SNTG2: variants seen among roughly 807,000 people sequenced by gnomAD.
SNTG2 encodes the protein syntrophin gamma 2, also known as gamma-2-syntrophin.
A neutral mutation model predicts 70.9 loss-of-function variants in SNTG2; 74 were observed. The ratio of observed to expected loss-of-function variants is 1.04; its 90% confidence interval spans 0.86 to 1.27. The LOEUF (loss-of-function observed/expected upper bound fraction) is 1.27, where lower values mean the gene tolerates loss of function less well. Ranked by LOEUF, SNTG2 falls within the 50% of genes most tolerant of loss-of-function variation. SNTG2 has a pLI of 0.00. For missense variants in SNTG2, 717 were observed against 690.7 expected, an observed-to-expected ratio of 1.04 and a Z score of -0.43; for synonymous variants, 278 against 273.8, an observed-to-expected ratio of 1.02 and a Z score of -0.15.
At chr2:1,314,469 A>G (rs1279680447) in intron 15 of SNTG2, among the ~76,000 whole-genome samples, 1 of 152,232 alleles carries the variant, frequency 6.6e-6, no homozygotes, top group Non-Finnish European at 1.5e-5. Flanking sequence ...GTGTGGGAAG[A>G]GGCTCTCCGG....
At chr2:1,095,385 G>T (rs1470984072) in intron 2 of SNTG2, among the ~76,000 whole-genome samples, 1 of 152,174 alleles carries the variant, frequency 6.6e-6, no homozygotes, top group African/African-American at 2.4e-5. Context: ...AATGTACACA[G>T]AAAGGAACAT....
chr2:1,153,740 GA>G (rs1422329136), intron 6 of SNTG2, among the ~76,000 whole-genome samples: 1 of 152,124 alleles, frequency 6.6e-6, no homozygotes, highest in Non-Finnish European at 1.5e-5. Context: ...GTTATTTAAG[GA>G]AAAAAACACT....
chr2:1,029,759 T>C (rs1183479413), intron 1 of SNTG2, among the ~76,000 whole-genome samples: 2 of 152,194 alleles, frequency 1.3e-5, no homozygotes, highest in Non-Finnish European at 2.9e-5. Context: ...CCCTGACTCT[T>C]CTTAGACCTT....
intron 9 of SNTG2, among the ~76,000 whole-genome samples, chr2:1,215,153 T>C (rs1674297226): frequency 6.6e-6 from 1 of 152,230 alleles, no homozygotes; most frequent in South Asian, 2.1e-4. Context: ...TTGATGAAGA[T>C]GTTTGCACGT....
intron 4 of SNTG2, among the ~76,000 whole-genome samples, chr2:1,134,909 A>T (rs1376521697): frequency 6.6e-6 from 1 of 152,068 alleles, no homozygotes; most frequent in Non-Finnish European, 1.5e-5. Flanking sequence ...CAAGCGCAAC[A>T]CCGGTGGGCC....
chr2:1,102,084 C>T (rs1369141550), intron 4 of SNTG2, among the ~76,000 whole-genome samples: 1 of 152,332 alleles, frequency 6.6e-6, no homozygotes, highest in East Asian at 1.9e-4. Flanking sequence ...CTTGCCATTG[C>T]AGAGCTTGTA....
chr2:1,212,562 T>C (rs958953909), intron 9 of SNTG2, among the ~76,000 whole-genome samples: 1 of 152,248 alleles, frequency 6.6e-6, no homozygotes, highest in African/African-American at 2.4e-5. Context: ...AAATATGTCT[T>C]ACTAGCTTGC....
In SNTG2 at chr2:1,083,403, C is replaced by G. The variant is rs1212467587; in HGVS notation, c.73-115C>G. On this transcript the variant is annotated intron_variant, in intron 1 of 16. Transcript: ENST00000308624. ...GGTTGAGCACAGATCTGTGCACACGCGAGCACTACACGTGCATTTTAGGAT... is the reference window on the plus strand; with the variant it reads ...GGTTGAGCACAGATCTGTGCACACGGGAGCACTACACGTGCATTTTAGGAT... 6 of 1,007,784 alleles carry G rather than the reference C, an allele frequency of 6.0e-6. No individual in the cohort carries two copies. In the African/African-American group the frequency reaches 9.5e-5, roughly 16 times the overall value. 62.4% of individuals were successfully genotyped at this position (1,007,784 alleles called of 1,614,324 possible).
chr2:1,272,026 C>A (rs36147202), intron 14 of SNTG2, among the ~76,000 whole-genome samples: 46,273 of 151,762 alleles, frequency 0.3, 7,921 homozygotes, highest in African/African-American at 0.47. Context: ...CGGTCCCAAC[C>A]TTTATGGTGC....
chr2:1,324,181 G>A (rs1681667478), intron 16 of SNTG2, among the ~76,000 whole-genome samples: 1 of 152,340 alleles, frequency 6.6e-6, no homozygotes, highest in Non-Finnish European at 1.5e-5. Context: ...CAGTCACATG[G>A]CGGAGACTCC....
chr2:1,286,415 C>A (rs1414697459), intron 14 of SNTG2, among the ~76,000 whole-genome samples: 1 of 152,194 alleles, frequency 6.6e-6, no homozygotes, highest in African/African-American at 2.4e-5. Context: ...GCCATTCCAC[C>A]ATTCTGTCAA....
intron 11 of SNTG2, among the ~76,000 whole-genome samples, chr2:1,244,400 T>G (rs1191345969): frequency 1.3e-5 from 2 of 152,048 alleles, no homozygotes; most frequent in South Asian, 2.1e-4. Flanking sequence ...TGTTGCTGAT[T>G]CTTAAAAGTT....
At chr2:965,507 T>C (rs1254539189) in intron 1 of SNTG2, among the ~76,000 whole-genome samples, 1 of 148,820 alleles carries the variant, frequency 6.7e-6, no homozygotes, top group African/African-American at 2.5e-5. Flanking sequence ...CTGGTCTTCT[T>C]CAGGGTCCCC....
intron 11 of SNTG2, among the ~76,000 whole-genome samples, chr2:1,243,107 C>T (rs1677155317): frequency 6.6e-6 from 1 of 152,220 alleles, no homozygotes; most frequent in Admixed American, 6.5e-5. Context: ...AATTCAATTA[C>T]TTGTGTGATT....
intron 2 of SNTG2, among the ~76,000 whole-genome samples, chr2:1,087,404 C>T (rs1012672209): frequency 6.6e-6 from 1 of 152,148 alleles, no homozygotes; most frequent in Non-Finnish European, 1.5e-5. Flanking sequence ...CAAAGTACAT[C>T]GTGCTCTAGC....
At chr2:1,002,699 A>C (rs1489378976) in intron 1 of SNTG2, among the ~76,000 whole-genome samples, 1 of 151,336 alleles carries the variant, frequency 6.6e-6, no homozygotes, top group African/African-American at 2.4e-5. Flanking sequence ...TCAAAAAAAA[A>C]AAAAACCTAA....
chr2:1,291,423 A>C (rs577902572), intron 14 of SNTG2, among the ~76,000 whole-genome samples: 1 of 152,274 alleles, frequency 6.6e-6, no homozygotes, highest in South Asian at 2.1e-4. Context: ...ATCATTGCCA[A>C]GTCCAGTGTC....
chr2:1,188,238 TCAGAGATA>T (rs1355025759), intron 8 of SNTG2, among the ~76,000 whole-genome samples: 6 of 151,124 alleles, frequency 4.0e-5, no homozygotes, highest in African/African-American at 1.5e-4. Context: ...TAGTAAAACA[TCAGAGATA>T]CATAGTTGAC....
intron 1 of SNTG2, among the ~76,000 whole-genome samples, chr2:982,995 T>G (rs1558293085): frequency 6.7e-6 from 1 of 150,064 alleles, no homozygotes; most frequent in African/African-American, 2.5e-5. Flanking sequence ...GCAGGGGTGG[T>G]GGTCAGGATG....
Sources: allele counts gnomAD v4.1 joint callset (sites outside exome capture counted in the v4.1 genomes callset), GRCh38; gene constraint gnomAD v4.1.1; transcripts MANE v1.5; gene names NCBI Gene and HGNC (gene_info 2026-07-23, HGNC 2026-07-21).